NRG2: variants seen among roughly 807,000 people sequenced by gnomAD.
NRG2 encodes the protein neuregulin 2.
Under a neutral mutation model 73.9 loss-of-function variants are expected in NRG2, and 27 were observed. The ratio of observed to expected loss-of-function variants is 0.37; its 90% confidence interval spans 0.27 to 0.50. The LOEUF is 0.50. Ranked by LOEUF, NRG2 falls within the 20% of genes least tolerant of loss-of-function variation. The probability of loss-of-function intolerance (pLI) is 0.96; values close to 1 mark genes in which losing one functional copy is unlikely to be tolerated. For synonymous variants in NRG2, 532 were observed against 541.0 expected, an observed-to-expected ratio of 0.98 and a Z score of 0.23; for missense variants, 1,126 against 1,210.1, an observed-to-expected ratio of 0.93 and a Z score of 1.03.
intron 5 of NRG2, among the ~76,000 whole-genome samples, chr5:139,860,398 G>A (rs1442407047): frequency 1.3e-5 from 2 of 151,794 alleles, no homozygotes; most frequent in Non-Finnish European, 2.9e-5. Context: ...CAGAGTGCAG[G>A]CATGAGGTCC....
intron 1 of NRG2, among the ~76,000 whole-genome samples, chr5:140,023,054 G>C (rs1286800037): frequency 2.6e-5 from 4 of 152,200 alleles, no homozygotes; most frequent in Non-Finnish European, 4.4e-5. Flanking sequence ...CCCCCTCATT[G>C]ATCTCCAGAA....
intron 1 of NRG2, among the ~76,000 whole-genome samples, chr5:139,906,110 C>T (rs925452459): frequency 6.6e-6 from 1 of 152,072 alleles, no homozygotes; most frequent in Admixed American, 6.5e-5. Flanking sequence ...CGGGTTCAAG[C>T]GATTCTCCTG....
At chr5:139,983,836 A>G (rs536968092) in intron 1 of NRG2, among the ~76,000 whole-genome samples, 1 of 152,160 alleles carries the variant, frequency 6.6e-6, no homozygotes, top group Non-Finnish European at 1.5e-5. Context: ...TTAAAAGGAT[A>G]CCTTGCCAAA....
intron 1 of NRG2, among the ~76,000 whole-genome samples, chr5:139,921,565 A>AG (rs1751666234): frequency 6.6e-6 from 1 of 152,198 alleles, no homozygotes; most frequent in Non-Finnish European, 1.5e-5. Flanking sequence ...AAAAAAAAAA[A>AG]GAATCTAGAC....
intron 1 of NRG2, among the ~76,000 whole-genome samples, chr5:139,950,384 T>C (rs1754113213): frequency 6.6e-6 from 1 of 152,236 alleles, no homozygotes; most frequent in Middle Eastern, 3.2e-3. Flanking sequence ...ATACACCTTC[T>C]GTAGAACATT....
At position 139,904,762 on chromosome 5, in the gene NRG2, C is replaced by T. The variant is rs1486988071; in HGVS notation, c.701-17251G>A. Among the ~76,000 whole-genome samples, 2 of 152,198 alleles carry T rather than the reference C, an allele frequency of 1.3e-5. No individual in the cohort carries two copies. Among genetic ancestry groups the T allele is most frequent in the African/African-American group, 4.8e-5 (2 of 41,464 alleles). ...TGGGGAGGGCGGAGTAGAGATCCCC[C>T]AGCGAGGGCCAGGCTAAGGACAGCA... On this transcript the variant is annotated intron_variant, in intron 1 of 9. Transcript: ENST00000361474. This position sits in a 1 kb window ranked among gnomAD's most constrained non-coding sequence, Gnocchi z 6.0.
chr5:139,848,812 CG>C, intron 9 of NRG2, 115 bp from the exon 10 acceptor site: 1 of 929,072 alleles, frequency 1.1e-6, no homozygotes. Flanking sequence ...TAACCTTGCC[CG>C]AGACCCCGCC....
intron 1 of NRG2, among the ~76,000 whole-genome samples, chr5:139,897,193 A>C (rs946394035): frequency 6.6e-6 from 1 of 152,212 alleles, no homozygotes; most frequent in Admixed American, 6.5e-5. Context: ...GCCACTGTGC[A>C]TTCTGGCTCT....
At position 140,043,031 on chromosome 5, in the gene NRG2, T is replaced by TGGC. The variant is rs758999934; in HGVS notation, c.36_38dup (p.Pro13dup). 6.8e-5 allele frequency: 104 copies of TGGC among 1,536,630 alleles called. No homozygotes were observed. The highest frequency in any genetic ancestry group is 8.5e-5 in the Non-Finnish European group (97 of 1,147,018). ...AGCTGCTGCACCGACCCTTCTCCAG[T>TGGC]GGCGGCGGCGGCAGCGCTGAGCAGC... On this transcript the variant is annotated inframe_insertion, in exon 1 of 10. Transcript: ENST00000361474. This position sits in a 1 kb window ranked among gnomAD's most constrained non-coding sequence, Gnocchi z 6.7.
intron 1 of NRG2, among the ~76,000 whole-genome samples, chr5:139,990,096 ATTATT>A (rs927820555): frequency 6.6e-6 from 1 of 151,138 alleles, no homozygotes; most frequent in Non-Finnish European, 1.5e-5. Flanking sequence ...CCTTATTATT[ATTATT>A]TTATTATTAT....
intron 6 of NRG2, among the ~76,000 whole-genome samples, chr5:139,854,392 G>A (rs747104509): frequency 3.3e-5 from 5 of 152,238 alleles, no homozygotes; most frequent in South Asian, 2.1e-4. Flanking sequence ...AAGGTGTCCC[G>A]TGACACTGGA....
chr5:139,921,281 C>G (rs1330690346), intron 1 of NRG2, among the ~76,000 whole-genome samples: 1 of 152,098 alleles, frequency 6.6e-6, no homozygotes, highest in Non-Finnish European at 1.5e-5. Flanking sequence ...AGCAAAAGAT[C>G]AAGAATAGCC....
At chr5:139,890,986 G>T (rs1373768735) in intron 1 of NRG2, among the ~76,000 whole-genome samples, 2 of 152,102 alleles carry the variant, frequency 1.3e-5, no homozygotes, top group Non-Finnish European at 2.9e-5. Flanking sequence ...TTATGAACTG[G>T]GGACACAACA....
intron 1 of NRG2, among the ~76,000 whole-genome samples, chr5:139,911,881 T>C (rs1750852609): frequency 6.6e-6 from 1 of 152,198 alleles, no homozygotes; most frequent in East Asian, 1.9e-4. Context: ...ACCTAATTTA[T>C]TTATATAATG....
At chr5:139,900,485 A>G (rs1764805204) in intron 1 of NRG2, among the ~76,000 whole-genome samples, 1 of 152,232 alleles carries the variant, frequency 6.6e-6, no homozygotes. Flanking sequence ...CCAAGTTACA[A>G]AGGGTGTGCT....
At chr5:139,864,343 C>T (rs1762336045) in intron 5 of NRG2, among the ~76,000 whole-genome samples, 1 of 151,744 alleles carries the variant, frequency 6.6e-6, no homozygotes, top group Admixed American at 6.6e-5. Context: ...GTCCTTGGGC[C>T]TCGGGGCTCA....
intron 1 of NRG2, among the ~76,000 whole-genome samples, chr5:140,004,409 G>A (rs1245252699): frequency 6.6e-6 from 1 of 152,192 alleles, no homozygotes; most frequent in African/African-American, 2.4e-5. Flanking sequence ...CAGTCTCAAA[G>A]TATGTCCTCC....
At chr5:139,908,866 C>A (rs1765415168) in intron 1 of NRG2, among the ~76,000 whole-genome samples, 2 of 152,252 alleles carry the variant, frequency 1.3e-5, no homozygotes, top group Non-Finnish European at 2.9e-5. Flanking sequence ...CCCAGCCTCC[C>A]AGTTTCCAGA....
intron 1 of NRG2, among the ~76,000 whole-genome samples, chr5:139,950,180 G>T (rs1754095334): frequency 6.6e-6 from 1 of 152,190 alleles, no homozygotes; most frequent in Non-Finnish European, 1.5e-5. Context: ...TCCTCAGAAG[G>T]TCAGCTAGAG....
Sources: gnomAD v4.1 joint callset for allele counts (sites outside exome capture counted in the v4.1 genomes callset) on GRCh38, gnomAD v4.1.1 for gene constraint, Gnocchi (gnomAD v3.1) non-coding constraint, MANE v1.5 for transcripts, NCBI Gene and HGNC (gene_info 2026-07-23, HGNC 2026-07-21) for gene names.